Variants in FRAS1 observed in about 807,000 individuals in gnomAD.
FRAS1 encodes Fraser extracellular matrix complex subunit 1, also known as extracellular matrix organizing protein FRAS1.
Under a neutral mutation model 435.2 loss-of-function variants are expected in FRAS1, and 290 were observed. The ratio of observed to expected loss-of-function variants is 0.67; its 90% CI spans 0.61 to 0.73. The LOEUF (loss-of-function observed/expected upper bound fraction) is 0.73. Among genes scored for constraint, FRAS1 ranks in the 30% least tolerant of loss-of-function variants. The pLI, the probability that FRAS1 is intolerant of heterozygous loss-of-function variation, is 0.00. For missense variants in FRAS1, 4,860 were observed against 5,001.5 expected, an observed-to-expected ratio of 0.97 and a Z score of 0.85; for synonymous variants, 1,800 against 1,851.0, an observed-to-expected ratio of 0.97 and a Z score of 0.71.
intron 26 of FRAS1, among the ~76,000 whole-genome samples, chr4:78,376,713 G>A (rs1257756724): frequency 2.6e-5 from 4 of 152,048 alleles, no homozygotes; most frequent in East Asian, 3.9e-4. Flanking sequence ...AACATCGGCC[G>A]GGCATGGTGG....
chr4:78,426,203 C>G (rs1322343639), intron 35 of FRAS1, among the ~76,000 whole-genome samples: 3 of 152,150 alleles, frequency 2.0e-5, no homozygotes, highest in Non-Finnish European at 4.4e-5. Flanking sequence ...TTTAGTCTGA[C>G]ATGTATGTGT....
chr4:78,432,192 G>A (rs188823553), intron 37 of FRAS1, among the ~76,000 whole-genome samples, 165 bp from the exon 38 acceptor site: 1 of 152,052 alleles, frequency 6.6e-6, no homozygotes, highest in South Asian at 2.1e-4. Flanking sequence ...CTTTTTCAAC[G>A]GTGGTGTAAA....
chr4:78,393,119 T>C (rs2110337433), intron 29 of FRAS1, among the ~76,000 whole-genome samples: 1 of 151,990 alleles, frequency 6.6e-6, no homozygotes, highest in East Asian at 1.9e-4. Context: ...TATATAGGCA[T>C]GGAAGCATCA....
intron 61 of FRAS1, among the ~76,000 whole-genome samples, chr4:78,502,270 C>T (rs1018185032): frequency 1.3e-5 from 2 of 152,152 alleles, no homozygotes; most frequent in Non-Finnish European, 2.9e-5. Flanking sequence ...TCATTGGTAG[C>T]TTGATCGGGA....
chr4:78,473,359 C>G (rs1354683730), intron 52 of FRAS1, 79 bp from the exon 53 acceptor site: 1 of 1,144,768 alleles, frequency 8.7e-7, no homozygotes, highest in Admixed American at 2.1e-5. Flanking sequence ...GAAGAATAAA[C>G]TAGGTTTGTT....
intron 2 of FRAS1, among the ~76,000 whole-genome samples, chr4:78,115,606 T>C (rs13101618): frequency 0.22 from 32,842 of 151,964 alleles, 3,861 homozygotes; most frequent in Admixed American, 0.29. Flanking sequence ...GATTTTCTAG[T>C]TTGTTTGTGT....
intron 29 of FRAS1, among the ~76,000 whole-genome samples, chr4:78,392,332 C>A (rs1280639265): frequency 1.1e-4 from 17 of 152,146 alleles, no homozygotes; most frequent in African/African-American, 4.1e-4. Flanking sequence ...GTCACTGTTA[C>A]ATTCAACATT....
intron 6 of FRAS1, among the ~76,000 whole-genome samples, chr4:78,257,747 A>G (rs17003092): frequency 0.016 from 2,406 of 152,308 alleles, 38 homozygotes; most frequent in East Asian, 0.042. Flanking sequence ...GCATAGTTAT[A>G]ATCACATTTT....
At chr4:78,497,001 G>GGTC in intron 60 of FRAS1, 40 bp downstream of exon 60, 1 of 1,541,808 alleles carries the variant, frequency 6.5e-7, no homozygotes, top group Non-Finnish European at 8.9e-7. Flanking sequence ...TTAGGTTGAG[G>GGTC]GGACATAAAC....
chr4:78,422,053 A>G (rs1733811457), intron 34 of FRAS1, 53 bp downstream of exon 34: 7 of 1,545,496 alleles, frequency 4.5e-6, no homozygotes, highest in Non-Finnish European at 4.4e-6. Flanking sequence ...GTGGCTCTAC[A>G]TGACAGGCTC....
chr4:78,328,957 T>C (rs988653528), intron 18 of FRAS1, among the ~76,000 whole-genome samples: 8 of 152,214 alleles, frequency 5.3e-5, no homozygotes. Context: ...AGGCCTCGTA[T>C]GATACTCCCC....
intron 23 of FRAS1, among the ~76,000 whole-genome samples, chr4:78,372,173 C>T (rs1385230764): frequency 6.6e-6 from 1 of 152,176 alleles, no homozygotes; most frequent in African/African-American, 2.4e-5. Flanking sequence ...TGGACAGCAC[C>T]TTTATGCCCC....
chr4:78,398,347 A>C (rs953621494), intron 29 of FRAS1, among the ~76,000 whole-genome samples: 12 of 152,250 alleles, frequency 7.9e-5, no homozygotes, highest in Admixed American at 1.3e-4. Context: ...TCCAAAGTAC[A>C]GATTCTGATT....
chr4:78,121,232 G>A (rs980438413), intron 2 of FRAS1, among the ~76,000 whole-genome samples: 1 of 152,184 alleles, frequency 6.6e-6, no homozygotes, highest in African/African-American at 2.4e-5. Context: ...ATAGGAAGAG[G>A]TCTGATTAAG....
At chr4:78,419,143 T>C in intron 33 of FRAS1, 80 bp downstream of exon 33, 3 of 738,530 alleles carry the variant, frequency 4.1e-6, no homozygotes, top group South Asian at 2.1e-5. Context: ...TCTGGAGTTT[T>C]GTCTGCTTGT....
At chr4:78,422,083 T>G in intron 34 of FRAS1, 83 bp downstream of exon 34, 7 of 1,351,218 alleles carry the variant, frequency 5.2e-6, no homozygotes, top group Non-Finnish European at 5.9e-6. Flanking sequence ...CTCCCTGCAG[T>G]CCTCTGGACC....
rs762306508 is a variant in FRAS1, at chr4:78,479,473, C to A, written c.8198C>A (p.Ser2733Tyr). Residue 2733 changes from serine to tyrosine, a missense_variant, in exon 56 of 74, where the codon TCT becomes TAT. Physicochemically the swap from Ser to Tyr is moderately radical, Grantham distance 144. Coordinates refer to ENST00000512123, the MANE Select transcript of FRAS1 (RefSeq NM_025074.7). ...YALESGSDFK[S>Y]RGMSAASRVI... ...CTAGAATCAGGCTCTGATTTTAAAT[C>A]TAGAGGGATGTCTGCCGCGAGTCGT... is the stretch of plus-strand genomic sequence containing the variant. The A allele has an allele frequency of 1.9e-6, 3 of 1,610,302 alleles. No homozygotes were observed. Among genetic ancestry groups the A allele is most frequent in the African/African-American group, 1.3e-5 (1 of 74,910 alleles).
chr4:78,115,971 C>G (rs1194357636), intron 2 of FRAS1, among the ~76,000 whole-genome samples: 1 of 152,164 alleles, frequency 6.6e-6, no homozygotes, highest in East Asian at 1.9e-4. Flanking sequence ...ACATTTAGTG[C>G]TATAAATTTC....
At chr4:78,143,903 C>CAA (rs60130624) in intron 2 of FRAS1, among the ~76,000 whole-genome samples, 8 of 78,070 alleles carry the variant, frequency 1.0e-4, no homozygotes, top group Non-Finnish European at 1.6e-4. Flanking sequence ...GACCCTGTCT[C>CAA]AAAAAAAAAA....
Sources: gnomAD v4.1 joint callset for allele counts (sites outside exome capture counted in the v4.1 genomes callset) on GRCh38, gnomAD v4.1.1 for gene constraint, MANE v1.5 for transcripts, NCBI Gene and HGNC (gene_info 2026-07-23, HGNC 2026-07-21) for gene names.